MAPK6: variants seen among roughly 807,000 people sequenced by gnomAD.
The protein encoded by MAPK6 is ERK-3.
In MAPK6, 19 loss-of-function variants were observed where a neutral mutation model predicts 59.3. The observed-to-expected ratio is 0.32, with a 90% CI of 0.22 to 0.47. MAPK6 has a LOEUF of 0.47. Among genes scored for constraint, MAPK6 ranks in the 20% least tolerant of loss-of-function variants. The pLI is 1.00. For missense variants in MAPK6, 724 were observed against 847.9 expected, an observed-to-expected ratio of 0.85 and a Z score of 1.81; for synonymous variants, 316 against 290.3, an observed-to-expected ratio of 1.09 and a Z score of -0.90.
intron 1 of MAPK6, among the ~76,000 whole-genome samples, chr15:51,978,954 C>CA (rs1298546830): frequency 6.6e-6 from 1 of 151,014 alleles, no homozygotes; most frequent in South Asian, 2.1e-4. Context: ...GACCTGGTCA[C>CA]AAAAAAATTA....
chr15:52,060,846 C>T (rs1223389260), intron 4 of MAPK6, among the ~76,000 whole-genome samples: 2 of 152,194 alleles, frequency 1.3e-5, no homozygotes, highest in African/African-American at 4.8e-5. Context: ...ACATACCAGA[C>T]ACTATGATTA....
upstream of MAPK6, among the ~76,000 whole-genome samples, chr15:52,016,101 C>CACACACAT (rs2030255407): frequency 6.8e-6 from 1 of 146,488 alleles, no homozygotes; most frequent in African/African-American, 2.5e-5. Flanking sequence ...CACACACACA[C>CACACACAT]ACACACAAAC....
upstream of MAPK6, among the ~76,000 whole-genome samples, chr15:52,016,070 G>GCACGCACACA (rs1555396608): frequency 1.8e-5 from 1 of 55,444 alleles, no homozygotes; most frequent in Non-Finnish European, 3.4e-5. Flanking sequence ...GCGCGCGCGC[G>GCACGCACACA]CACACACACA....
upstream of MAPK6, among the ~76,000 whole-genome samples, chr15:52,016,420 T>C (rs901204248): frequency 6.6e-6 from 1 of 151,430 alleles, no homozygotes; most frequent in African/African-American, 2.4e-5. Context: ...CCAAAAAAAC[T>C]AAAACCAACT....
chr15:52,043,742 A>AC (rs2031504361), intron 1 of MAPK6, among the ~76,000 whole-genome samples: 1 of 40,630 alleles, frequency 2.5e-5, no homozygotes, highest in East Asian at 8.2e-4. Context: ...AAGTTGTTTG[A>AC]TTTTTTTTTT....
At chr15:52,024,764 T>G (rs2030692257) in intron 1 of MAPK6, 1 of 152,044 alleles carries the variant, frequency 6.6e-6, no homozygotes, top group Non-Finnish European at 1.5e-5. Flanking sequence ...GTTGCCCAGT[T>G]TGGATTGGAG....
chr15:52,066,338 T>A lies in MAPK6; in HGVS notation c.*1338T>A, dbSNP rs2032421668. 1.3e-5 allele frequency: 2 copies of A among 152,208 alleles called. No individual in the cohort carries two copies. Among genetic ancestry groups the A allele is most frequent in the Admixed American group, 1.3e-4 (2 of 15,282 alleles). 9.4% of individuals were successfully genotyped at this position (152,208 alleles called of 1,614,324 possible). On this transcript the variant is annotated 3_prime_UTR_variant, in exon 6 of 6. Coordinates refer to ENST00000261845, the MANE Select transcript of MAPK6 (RefSeq NM_002748.4). ...AATTACTACCAGAATCACTTTGAATTATGGCCATAAATTGCTAGTCTGAAA... is the reference window on the plus strand; with the variant it reads ...AATTACTACCAGAATCACTTTGAATAATGGCCATAAATTGCTAGTCTGAAA...
chr15:52,029,885 C>G (rs942996848), intron 1 of MAPK6, among the ~76,000 whole-genome samples: 1 of 152,198 alleles, frequency 6.6e-6, no homozygotes. Flanking sequence ...TTCAGACATT[C>G]TTCTCCCAGT....
chr15:51,979,082 G>T (rs2057165319), intron 1 of MAPK6, among the ~76,000 whole-genome samples: 1 of 147,290 alleles, frequency 6.8e-6, no homozygotes, highest in African/African-American at 2.5e-5. Context: ...CTGCACCCCA[G>T]CCGGGGTGAC....
chr15:52,038,973 C>G (rs774517308), intron 1 of MAPK6, among the ~76,000 whole-genome samples: 2 of 152,138 alleles, frequency 1.3e-5, no homozygotes, highest in Non-Finnish European at 2.9e-5. Flanking sequence ...ACTAGTTTAT[C>G]TGGTCTATGA....
At chr15:51,974,392 C>T (rs181174105) in intron 1 of MAPK6, among the ~76,000 whole-genome samples, 2,194 of 151,566 alleles carry the variant, frequency 0.014, 63 homozygotes, top group Non-Finnish European at 0.022. Context: ...CACGGTGGCT[C>T]ACCCCTGTAA....
At chr15:52,058,484 G>A in intron 3 of MAPK6, 149 bp from the exon 4 acceptor site, 1 of 581,326 alleles carries the variant, frequency 1.7e-6, no homozygotes, top group Non-Finnish European at 2.8e-6. Context: ...AAGTAGATTG[G>A]TGATAGTCAA....
intron 1 of MAPK6, among the ~76,000 whole-genome samples, chr15:52,026,631 A>G (rs199757557): frequency 6.6e-6 from 1 of 152,118 alleles, no homozygotes; most frequent in Admixed American, 6.6e-5. Flanking sequence ...TTCTAACCCT[A>G]TAGTCACAGG....
chr15:52,013,974 C>G (rs1460401120), intron 3 of MAPK6, among the ~76,000 whole-genome samples: 1 of 152,126 alleles, frequency 6.6e-6, no homozygotes, highest in Non-Finnish European at 1.5e-5. Flanking sequence ...CAATCTGGTG[C>G]TAACTTGTCT....
At chr15:52,041,675 C>G (rs950596024) in intron 1 of MAPK6, among the ~76,000 whole-genome samples, 1 of 152,114 alleles carries the variant, frequency 6.6e-6, no homozygotes, top group Non-Finnish European at 1.5e-5. Context: ...TTAGAGAGAT[C>G]AGAATTTGGA....
chr15:51,978,705 T>C (rs990933103), intron 1 of MAPK6, among the ~76,000 whole-genome samples: 6 of 151,622 alleles, frequency 4.0e-5, no homozygotes, highest in Admixed American at 1.3e-4. Flanking sequence ...AAGAAAACAA[T>C]TTCAGAGATT....
At chr15:52,053,591 ATTGATTGATTGGTTGATTGATT>A in intron 3 of MAPK6, among the ~76,000 whole-genome samples, 1 of 1,496 alleles carries the variant, frequency 6.7e-4, no homozygotes, top group Non-Finnish European at 0.011. Context: ...TTGAAACAAG[ATTGATTGATTGGTTGATTGATT>A]GATTGATTGA....
intron 2 of MAPK6, among the ~76,000 whole-genome samples, chr15:51,999,958 G>A (rs1023645353): frequency 6.6e-6 from 1 of 151,344 alleles, no homozygotes; most frequent in African/African-American, 2.4e-5. Flanking sequence ...TTTATTTATT[G>A]AGATGGGATC....
At chr15:51,981,652 A>G (rs1171762310) in intron 1 of MAPK6, among the ~76,000 whole-genome samples, 1 of 152,008 alleles carries the variant, frequency 6.6e-6, no homozygotes, top group Non-Finnish European at 1.5e-5. Flanking sequence ...TAGACTTTAG[A>G]CTCCTTCCTG....
Sources: gnomAD v4.1 joint callset for allele counts (sites outside exome capture counted in the v4.1 genomes callset) on GRCh38, gnomAD v4.1.1 for gene constraint, MANE v1.5 for transcripts, NCBI Gene and HGNC (gene_info 2026-07-23, HGNC 2026-07-21) for gene names.